The following TTLL6 variants were observed in gnomAD, a reference collection of about 807,000 sequenced individuals.
TTLL6 encodes tubulin polyglutamylase TTLL6.
Under a neutral mutation model 96.4 loss-of-function variants are expected in TTLL6, and 75 were observed. That is an observed-to-expected ratio of 0.78 (90% CI 0.65 to 0.94). The LOEUF is 0.94. Among genes scored for constraint, TTLL6 ranks in the 40% least tolerant of loss-of-function variants. The pLI, the probability that TTLL6 is intolerant of heterozygous loss-of-function variation, is 0.00. For missense variants in TTLL6, 1,030 were observed against 1,093.0 expected (o/e 0.94, Z 0.81); for synonymous variants, 411 against 419.4 (o/e 0.98, Z 0.24).
At chr17:48,802,443 G>A (rs1052495947) in intron 3 of TTLL6, among the ~76,000 whole-genome samples, 2 of 152,176 alleles carry the variant, frequency 1.3e-5, no homozygotes, top group Admixed American at 6.5e-5. Context: ...CCTTCTTTCT[G>A]TTCCTGTCAG....
intron 10 of TTLL6, among the ~76,000 whole-genome samples, chr17:48,789,276 G>A (rs577064590): frequency 2.0e-5 from 3 of 152,066 alleles, no homozygotes; most frequent in African/African-American, 7.3e-5. Context: ...TATTCAAACT[G>A]CTACATTCTG....
intron 1 of TTLL6, 92 bp downstream of exon 1, chr17:48,816,878 G>T: frequency 1.0e-6 from 1 of 996,914 alleles, no homozygotes; most frequent in Non-Finnish European, 1.4e-6. Flanking sequence ...GTCCCGTGTG[G>T]GTTTAAGGAG....
At chr17:48,774,108 A>AAAAAAAAC (rs2038814796) in intron 13 of TTLL6, among the ~76,000 whole-genome samples, 6 of 130,532 alleles carry the variant, frequency 4.6e-5, no homozygotes, top group Non-Finnish European at 6.3e-5. Flanking sequence ...AAAAAAAAAA[A>AAAAAAAAC]AAAACAAGAA....
intron 1 of TTLL6, among the ~76,000 whole-genome samples, chr17:48,813,191 T>C (rs1392914931): frequency 6.6e-6 from 1 of 152,158 alleles, no homozygotes; most frequent in Non-Finnish European, 1.5e-5. Flanking sequence ...CATCCATAAA[T>C]AGTGTGACCA....
chr17:48,762,784 G>C lies in TTLL6; in HGVS notation c.*190C>G. On this transcript the variant is annotated 3_prime_UTR_variant, in exon 16 of 16. Transcript: ENST00000393382. ...GGTCCTGTAGCACTGTAAGCTAACT[G>C]GGAGGGAACAGAGGCAGGGCTGTTG... 1 of 394,208 alleles carries C rather than the reference G, an allele frequency of 2.5e-6. No individual in the cohort carries two copies. The highest frequency in any genetic ancestry group is 5.0e-6 in the Non-Finnish European group (1 of 199,986). 24.4% of individuals were successfully genotyped at this position (394,208 alleles called of 1,614,324 possible).
chr17:48,806,183 A>G (rs62065412), intron 1 of TTLL6: 9,803 of 152,160 alleles, frequency 0.064, 423 homozygotes, highest in Non-Finnish European at 0.1. Context: ...CTGAGGCAGG[A>G]GAATCGCTTG....
Position 48,796,950 on chromosome 17 carries a change from T to C in TTLL6, c.912+111A>G, listed in dbSNP as rs946222271. 1.5e-5 allele frequency: 19 copies of C among 1,261,362 alleles called. No individual in the cohort carries two copies. In the African/African-American group the frequency reaches 1.8e-4, roughly 12 times the overall value. The allele number at this position is 1,261,362 out of a possible 1,614,324, so 78.1% of individuals were successfully genotyped here. A position where few individuals can be genotyped will look rare whatever the true frequency, so the allele number is the denominator to read the frequency against. On this transcript the variant is annotated intron_variant, in intron 7 of 15. Coordinates refer to ENST00000393382, the MANE Select transcript of TTLL6 (RefSeq NM_001130918.3). ...TAAATGAAACCCGGCACATAGCAAG[T>C]GCTCAACAAATGACACTCACAATGT... is the stretch of plus-strand genomic sequence containing the variant.
At chr17:48,803,985 G>A in intron 2 of TTLL6, 57 bp from the exon 3 acceptor site, 1 of 1,535,642 alleles carries the variant, frequency 6.5e-7, no homozygotes, top group Non-Finnish European at 8.8e-7. Context: ...GCCAGAACAA[G>A]TGACTGTATC....
chr17:48,816,842 G>A lies in TTLL6; in HGVS notation c.103+128C>T, dbSNP rs1415943664. On this transcript the variant is annotated intron_variant, in intron 1 of 15. Transcript: ENST00000393382. Reference sequence around the variant, plus strand: ...GGCGCCATGGAACGCCACCAGGGAGGGCAGCGGGCTACCCTGGGGACCTGG... The same window carrying A: ...GGCGCCATGGAACGCCACCAGGGAGAGCAGCGGGCTACCCTGGGGACCTGG... The A allele has an allele frequency of 4.7e-6, 3 of 632,792 alleles. No individual in the cohort carries two copies. The African/African-American group carries it at 5.8e-5, about 12-fold the overall frequency. The allele number at this position is 632,792 out of a possible 1,614,324, so 39.2% of individuals were successfully genotyped here.
At chr17:48,778,336 AAAGG>A (rs751269564) in intron 13 of TTLL6, among the ~76,000 whole-genome samples, 6 of 73,846 alleles carry the variant, frequency 8.1e-5, no homozygotes, top group African/African-American at 1.7e-4. Flanking sequence ...AGGGAGGGAG[AAAGG>A]AAGGAAGGAA....
intron 13 of TTLL6, among the ~76,000 whole-genome samples, chr17:48,777,721 A>C (rs2038904164): frequency 1.4e-5 from 2 of 142,176 alleles, no homozygotes; most frequent in African/African-American, 2.6e-5. Flanking sequence ...ACAGAGTGAG[A>C]CTCCGTCTCA....
At position 48,797,058 on chromosome 17, in the gene TTLL6, C is replaced by T. The variant is rs374976446; in HGVS notation, c.912+3G>A. On this transcript the variant is annotated splice_donor_region_variant and intron_variant, in intron 7 of 15. Transcript: ENST00000393382. ...GGTGAGGTAGTGTGTCTCCTTAGCT[C>T]ACCAGGTTGTCTGTGCAAGGGCGGG... 4 of 1,550,208 alleles carry T rather than the reference C, an allele frequency of 2.6e-6. No homozygotes were observed. In the African/African-American group the frequency reaches 5.5e-5, roughly 21 times the overall value.
At chr17:48,765,198 G>A (rs2038576273) in intron 15 of TTLL6, among the ~76,000 whole-genome samples, 1 of 152,126 alleles carries the variant, frequency 6.6e-6, no homozygotes, top group Admixed American at 6.5e-5. Flanking sequence ...GATTGTTTGA[G>A]GGCAGGAGTT....
intron 5 of TTLL6, chr17:48,799,991 T>C (rs1013061871): frequency 5.6e-6 from 3 of 535,872 alleles, no homozygotes; most frequent in Non-Finnish European, 1.0e-5. Context: ...CACTTACCAG[T>C]GGTGCAACCC....
intron 1 of TTLL6, among the ~76,000 whole-genome samples, chr17:48,813,475 C>A (rs1474210387): frequency 6.6e-6 from 1 of 152,162 alleles, no homozygotes; most frequent in Admixed American, 6.5e-5. Context: ...GGGAGGATCA[C>A]TTTAGCCCGG....
intron 15 of TTLL6, 53 bp downstream of exon 15, chr17:48,768,936 A>G: frequency 6.3e-7 from 1 of 1,579,922 alleles, no homozygotes; most frequent in Non-Finnish European, 8.6e-7. Flanking sequence ...CCAGAAAAAC[A>G]CAGAGCACCT....
intron 6 of TTLL6, among the ~76,000 whole-genome samples, chr17:48,798,823 T>C (rs2039361935): frequency 1.3e-5 from 2 of 148,816 alleles, no homozygotes; most frequent in Admixed American, 6.7e-5. Flanking sequence ...AGTTCTTTTT[T>C]TTTTTTTTTT....
chr17:48,797,071 G>C lies in TTLL6; in HGVS notation c.902C>G (p.Thr301Arg), dbSNP rs1428615222. The C allele has an allele frequency of 6.4e-6, 10 of 1,551,284 alleles. No individual in the cohort carries two copies. The South Asian group carries it at 1.1e-4, about 17-fold the overall frequency. The change falls in exon 7 of 16, where the codon ACA (threonine) becomes AGA (arginine). Residue 301 changes from threonine to arginine, a missense_variant. Coordinates refer to ENST00000393382, the MANE Select transcript of TTLL6 (RefSeq NM_001130918.3). ...FATTSYSRPCTDNLDDICMHL... is the reference protein window; with the variant it reads ...FATTSYSRPCRDNLDDICMHL... ...GTCTCCTTAGCTCACCAGGTTGTCT[G>C]TGCAAGGGCGGGAGTAAGAGGTCGT...
At chr17:48,798,434 G>T (rs566930216) in intron 6 of TTLL6, among the ~76,000 whole-genome samples, 2 of 152,262 alleles carry the variant, frequency 1.3e-5, no homozygotes, top group East Asian at 3.9e-4. Flanking sequence ...GGGTGTGCTG[G>T]TGGGTGCCTG....
Sources: gnomAD v4.1 joint callset for allele counts (sites outside exome capture counted in the v4.1 genomes callset) on GRCh38, gnomAD v4.1.1 for gene constraint, MANE v1.5 for transcripts, NCBI Gene and HGNC (gene_info 2026-07-23, HGNC 2026-07-21) for gene names.